ZNF678: variants seen among roughly 807,000 people sequenced by gnomAD.
ZNF678 encodes zinc finger protein 678.
In ZNF678, 5 loss-of-function variants were observed where a neutral mutation model predicts 3.0. The observed-to-expected ratio is 1.69, with a 90% confidence interval of 0.88 to 3.56. ZNF678 has a LOEUF of 3.56. Ranked by LOEUF, ZNF678 falls within the 30% of genes most tolerant of loss-of-function variation. ZNF678 has a pLI of 0.00. For synonymous variants in ZNF678, 218 were observed against 199.6 expected, an observed-to-expected ratio of 1.09 and a Z score of -0.78; for missense variants, 593 against 605.0, an observed-to-expected ratio of 0.98 and a Z score of 0.21.
At chr1:227,633,680 C>T (rs1658607075) in intron 1 of ZNF678, among the ~76,000 whole-genome samples, 1 of 152,158 alleles carries the variant, frequency 6.6e-6, no homozygotes, top group African/African-American at 2.4e-5. Flanking sequence ...TTAAACAAGC[C>T]CTAGCCAGAA....
Position 227,671,540 on chromosome 1 carries a change from AT to A in ZNF678, c.227-5637del, listed in dbSNP as rs549608960. Among the ~76,000 whole-genome samples, 711 of 152,194 alleles carry A rather than the reference AT, an allele frequency of 4.7e-3. 3 individuals carry two copies. Among genetic ancestry groups the A allele is most frequent in the Middle Eastern group, 6.8e-3 (2 of 294 alleles). On this transcript the variant is annotated intron_variant, in intron 5 of 5. Transcript: ENST00000608949. The stretch of plus-strand genomic sequence containing the variant: ...CATTGTTTGCCAGTCTCCATAAGGG[AT>A]TCTTCATTCTCCATCCAACACTTGC...
At chr1:227,646,398 A>T (rs577748013) in intron 1 of ZNF678, 146 bp from the exon 2 acceptor site, 84 of 670,982 alleles carry the variant, frequency 1.3e-4, no homozygotes, top group Non-Finnish European at 1.8e-4. Flanking sequence ...TACAGAATGC[A>T]TTCGAGAATC....
At chr1:227,649,035 C>T (rs999496316) in intron 2 of ZNF678, among the ~76,000 whole-genome samples, 1 of 152,094 alleles carries the variant, frequency 6.6e-6, no homozygotes. Flanking sequence ...GTTTAAATAG[C>T]AGAATTACAT....
At chr1:227,670,029 AATC>A (rs1659574134) in intron 5 of ZNF678, among the ~76,000 whole-genome samples, 2 of 152,228 alleles carry the variant, frequency 1.3e-5, no homozygotes, top group South Asian at 2.1e-4. Context: ...AAAAAAATAA[AATC>A]ATGTTCTCAG....
intron 1 of ZNF678, among the ~76,000 whole-genome samples, chr1:227,604,763 A>G (rs1657822803): frequency 1.3e-5 from 2 of 152,156 alleles, no homozygotes; most frequent in Admixed American, 1.3e-4. Context: ...TACAATTTAT[A>G]TATATTTTTG....
intron 1 of ZNF678, among the ~76,000 whole-genome samples, chr1:227,633,786 A>C (rs757103278): frequency 6.6e-6 from 1 of 152,200 alleles, no homozygotes; most frequent in Non-Finnish European, 1.5e-5. Context: ...TTTGAAAGAC[A>C]GTCTAGGCCA....
chr1:227,592,604 T>C (rs1272499535), intron 1 of ZNF678, among the ~76,000 whole-genome samples: 2 of 152,258 alleles, frequency 1.3e-5, no homozygotes, highest in Non-Finnish European at 2.9e-5. Flanking sequence ...ATGTAGTTTA[T>C]CTAATCTACA....
intron 1 of ZNF678, among the ~76,000 whole-genome samples, chr1:227,630,936 T>C (rs1052388347): frequency 1.2e-4 from 19 of 152,160 alleles, no homozygotes; most frequent in African/African-American, 4.6e-4. Context: ...TTTGCCCTCT[T>C]CTACAAAAGA....
intron 1 of ZNF678, among the ~76,000 whole-genome samples, chr1:227,624,897 C>T (rs1473678598): frequency 2.0e-5 from 3 of 152,084 alleles, no homozygotes; most frequent in Non-Finnish European, 4.4e-5. Context: ...CAGTGGTGGA[C>T]GGCAAGTGAA....
intron 1 of ZNF678, among the ~76,000 whole-genome samples, chr1:227,591,266 T>C (rs570996980): frequency 6.6e-6 from 1 of 152,064 alleles, no homozygotes; most frequent in East Asian, 1.9e-4. Context: ...TCCCCTTTTT[T>C]CTAACGAGGA....
intron 1 of ZNF678, among the ~76,000 whole-genome samples, chr1:227,579,568 A>G (rs1657072432): frequency 6.6e-6 from 1 of 152,158 alleles, no homozygotes; most frequent in Non-Finnish European, 1.5e-5. Context: ...GGAAGTTACC[A>G]TGGCCCTGGG....
chr1:227,654,198 C>A, intron 3 of ZNF678, 138 bp from the exon 4 acceptor site: 1 of 732,354 alleles, frequency 1.4e-6, no homozygotes, highest in Non-Finnish European at 2.0e-6. Flanking sequence ...TTTATATGTT[C>A]AAAAAGGAAT....
intron 1 of ZNF678, among the ~76,000 whole-genome samples, chr1:227,612,814 CA>C (rs929791252): frequency 2.0e-5 from 3 of 152,176 alleles, no homozygotes; most frequent in Non-Finnish European, 2.9e-5. Flanking sequence ...CAACAAAGAG[CA>C]CGCCTCACCA....
At chr1:227,620,246 A>G (rs760683135) in intron 1 of ZNF678, among the ~76,000 whole-genome samples, 4 of 152,216 alleles carry the variant, frequency 2.6e-5, no homozygotes, top group African/African-American at 4.8e-5. Context: ...TAAACTGTAG[A>G]TAAAACAGGC....
chr1:227,588,541 C>T (rs1329988709), intron 1 of ZNF678, among the ~76,000 whole-genome samples: 2 of 148,628 alleles, frequency 1.3e-5, no homozygotes, highest in African/African-American at 5.0e-5. Context: ...CACTCTGTCA[C>T]CAGGCTGGAA....
chr1:227,573,980 A>G (rs918433451), intron 1 of ZNF678, among the ~76,000 whole-genome samples: 1 of 152,180 alleles, frequency 6.6e-6, no homozygotes, highest in Non-Finnish European at 1.5e-5. Flanking sequence ...ACCTCCAATC[A>G]GGTTCCTGCA....
Position 227,655,815 on chromosome 1 carries a change from G to A in ZNF678, c.1565G>A (p.Cys522Tyr). 1.9e-6 allele frequency: 3 copies of A among 1,565,654 alleles called. No individual in the cohort carries two copies. Among genetic ancestry groups the A allele is most frequent in the Non-Finnish European group, 2.6e-6 (3 of 1,160,746 alleles). ...TGEEPDKCKK[C>Y]GSL ...GAGGAACCTGACAAATGTAAAAAAT[G>A]TGGCAGTCTTTAAAAACTGCTTCAT... Residue 522 changes from cysteine to tyrosine, a missense_variant, in exon 4 of 4, where the codon TGT becomes TAT. Transcript: ENST00000343776.
intron 1 of ZNF678, among the ~76,000 whole-genome samples, chr1:227,603,480 A>G (rs1657786971): frequency 6.6e-6 from 1 of 152,208 alleles, no homozygotes; most frequent in South Asian, 2.1e-4. Context: ...CTGACTTGGG[A>G]CAGTGTACTT....
At chr1:227,668,468 C>A (rs1389387953) in intron 5 of ZNF678, among the ~76,000 whole-genome samples, 1 of 152,184 alleles carries the variant, frequency 6.6e-6, no homozygotes, top group Non-Finnish European at 1.5e-5. Context: ...TATGGTCCAT[C>A]ATTGTAAACA....
Sources: gnomAD v4.1 joint callset for allele counts (sites outside exome capture counted in the v4.1 genomes callset) on GRCh38, gnomAD v4.1.1 for gene constraint, MANE v1.5 for transcripts, NCBI Gene and HGNC (gene_info 2026-07-23, HGNC 2026-07-21) for gene names.